Variants in CCNT2 observed in about 807,000 individuals in gnomAD.
The protein encoded by CCNT2 is cyclin-T2.
CCNT2 carries 18 observed loss-of-function variants against 70.0 expected under a neutral mutation model. That is an observed-to-expected ratio of 0.26 (90% CI 0.18 to 0.38). The LOEUF is 0.38. Among genes scored for constraint, CCNT2 ranks in the 10% least tolerant of loss-of-function variants. The pLI is 1.00. For missense variants in CCNT2, 734 were observed against 890.2 expected (o/e 0.82, Z 2.23); for synonymous variants, 334 against 313.3 (o/e 1.07, Z -0.70).
At chr2:134,920,831 A>G (rs548706208) in intron 2 of CCNT2, among the ~76,000 whole-genome samples, 35 of 152,322 alleles carry the variant, frequency 2.3e-4, no homozygotes, top group Admixed American at 8.5e-4. Context: ...CCTAGGAAAG[A>G]TCCTCAGAAT....
intron 5 of CCNT2, chr2:134,944,365 TG>T: frequency 1.0e-6 from 1 of 963,270 alleles, no homozygotes; most frequent in South Asian, 4.8e-5. Context: ...TACTAGTATA[TG>T]TTTAAAAATA....
Position 134,936,692 on chromosome 2 carries a change from T to A in CCNT2, c.241-149T>A, listed in dbSNP as rs190062532. The A allele has an allele frequency of 6.1e-4, 323 of 530,642 alleles. 1 individual carries two copies. Among genetic ancestry groups the A allele is most frequent in the African/African-American group, 5.3e-3 (263 of 50,050 alleles). 32.9% of individuals were successfully genotyped at this position (530,642 alleles called of 1,614,324 possible). Reference sequence around the variant, plus strand: ...TCGCTTGAACCTGGGAGGTGGAGCTTTCAGTGAGCCGAGATCACACCACTG... The same window carrying A: ...TCGCTTGAACCTGGGAGGTGGAGCTATCAGTGAGCCGAGATCACACCACTG... On this transcript the variant is annotated intron_variant, in intron 2 of 8. Transcript: ENST00000264157.
chr2:134,921,176 G>C (rs1679871174), intron 2 of CCNT2, among the ~76,000 whole-genome samples: 1 of 152,122 alleles, frequency 6.6e-6, no homozygotes, highest in Non-Finnish European at 1.5e-5. Flanking sequence ...ACTAATGAAT[G>C]TTAATATAAA....
At chr2:134,948,154 A>G (rs1023697021) in intron 7 of CCNT2, among the ~76,000 whole-genome samples, 4 of 151,368 alleles carry the variant, frequency 2.6e-5, no homozygotes, top group Non-Finnish European at 4.4e-5. Flanking sequence ...TGTCTCTACA[A>G]AAAAAAAGTT....
Position 134,953,911 on chromosome 2 carries a change from A to C in CCNT2, c.1456A>C (p.Ile486Leu). The change falls in exon 9 of 9, where the codon ATA becomes CTA. Residue 486 changes from isoleucine (I) to leucine (L), a missense_variant. Transcript: ENST00000264157. Reference sequence around the variant, plus strand: ...TGTTACTTCTCCCATTAAAATGAAAATACCTATCGCAAATACTGAAAAATA... The same window carrying C: ...TGTTACTTCTCCCATTAAAATGAAACTACCTATCGCAAATACTGAAAAATA... ...SSVTSPIKMK[I>L]PIANTEKYMA... The C allele has an allele frequency of 6.2e-7, 1 of 1,613,940 alleles. No homozygotes were observed. Among genetic ancestry groups the C allele is most frequent in the East Asian group, 2.2e-5 (1 of 44,890 alleles).
chr2:134,944,178 G>C (rs2105066984), intron 5 of CCNT2: 2 of 983,234 alleles, frequency 2.0e-6, no homozygotes, highest in Non-Finnish European at 2.4e-6. Context: ...ATTTTCATCT[G>C]AATATTACAG....
Position 134,931,271 on chromosome 2 carries a change from T to TTTTTTTTTTTTTTTTTG in CCNT2, c.241-5569_241-5553dup, listed in dbSNP as rs1680747439. ...GCCACCATGCCCGGATCTTTTTTTT[T>TTTTTTTTTTTTTTTTTG]TTTTTTTTTTTTTTTTGGTATTTGA... On this transcript the variant is annotated intron_variant, in intron 2 of 8. Transcript: ENST00000264157. Among the ~76,000 whole-genome samples the TTTTTTTTTTTTTTTTTG allele has an allele frequency of 3.7e-5, 5 of 134,212 alleles. 2 individuals are homozygous for TTTTTTTTTTTTTTTTTG. The highest frequency in any genetic ancestry group is 4.5e-4 in the East Asian group (2 of 4,474). 88.0% of individuals were successfully genotyped at this position (134,212 alleles called of 152,430 possible). A position where few individuals can be genotyped will look rare whatever the true frequency, so the allele number is the denominator to read the frequency against.
chr2:134,951,986 A>G (rs1682540738), intron 7 of CCNT2, among the ~76,000 whole-genome samples: 1 of 152,142 alleles, frequency 6.6e-6, no homozygotes, highest in Admixed American at 6.5e-5. Context: ...GTCATTTTAT[A>G]CAGTGTTCCT....
chr2:134,930,463 A>G (rs116272368), intron 2 of CCNT2, among the ~76,000 whole-genome samples: 2,073 of 152,292 alleles, frequency 0.014, 21 homozygotes, highest in South Asian at 0.018. Flanking sequence ...ATGAACATTC[A>G]TGTACAAGTT....
chr2:134,950,260 A>G (rs1682373405), intron 7 of CCNT2, among the ~76,000 whole-genome samples: 1 of 152,168 alleles, frequency 6.6e-6, no homozygotes, highest in African/African-American at 2.4e-5. Context: ...TGAAAAGTAA[A>G]GTTTGTTAAT....
rs114395992 is a variant in CCNT2, at chr2:134,950,386, A to C, written c.704-2255A>C. ...AAAAAGGCAATTCAAAATTAAAGAC[A>C]TGAAGGTGTGGCCGGGTGCAGTCAC... On this transcript the variant is annotated intron_variant, in intron 7 of 8. Coordinates refer to ENST00000264157, the MANE Select transcript of CCNT2 (RefSeq NM_058241.3). Among the ~76,000 whole-genome samples the C allele has an allele frequency of 2.5e-3, 384 of 152,312 alleles. 1 individual carries two copies. Among genetic ancestry groups the C allele is most frequent in the African/African-American group, 8.7e-3 (363 of 41,568 alleles).
intron 8 of CCNT2, 119 bp downstream of exon 8, chr2:134,952,830 A>G (rs1173928316): frequency 1.4e-6 from 1 of 719,578 alleles, no homozygotes; most frequent in Admixed American, 2.7e-5. Flanking sequence ...AATTCAACGT[A>G]TCTCAAGTTA....
At chr2:134,923,193 A>G (rs1335449244) in intron 2 of CCNT2, among the ~76,000 whole-genome samples, 1 of 152,212 alleles carries the variant, frequency 6.6e-6, no homozygotes, top group East Asian at 1.9e-4. Flanking sequence ...AGGCAGGAGA[A>G]TCACTTGAAC....
rs1486885721 is a variant in CCNT2 at position 134,955,153 on chromosome 2, T to G, written c.*505T>G. 6.4e-6 allele frequency: 1 copy of G among 155,960 alleles called. No individual in the cohort carries two copies. Among genetic ancestry groups the G allele is most frequent in the Non-Finnish European group, 1.4e-5 (1 of 69,970 alleles). 9.7% of individuals were successfully genotyped at this position (155,960 alleles called of 1,614,324 possible). ...ACATACATTTTTGTATGTTTAGATA[T>G]TACCGTAAATACTCAGGATTGGAGC... On this transcript the variant is annotated 3_prime_UTR_variant, in exon 9 of 9. Coordinates refer to ENST00000264157, the MANE Select transcript of CCNT2 (RefSeq NM_058241.3).
Position 134,954,103 on chromosome 2 carries a change from C to G in CCNT2, c.1648C>G (p.Pro550Ala), listed in dbSNP as rs887483254. 6.2e-7 allele frequency: 1 copy of G among 1,613,950 alleles called. No individual in the cohort carries two copies. Among genetic ancestry groups the G allele is most frequent in the African/African-American group, 1.3e-5 (1 of 74,864 alleles). The change falls in exon 9 of 9, where the codon CCA becomes GCA. Residue 550 changes from proline to alanine, a missense_variant. Physicochemically the swap from Pro to Ala is conservative, Grantham distance 27. Transcript: ENST00000264157. The part of the protein sequence containing the change: ...EGSGKSKHSS[P>A]HISRDHKEKH... ...CAGTGGGAAGAGCAAACATTCAAGC[C>G]CACATATTAGCAGAGACCATAAGGA...
At position 134,954,324 on chromosome 2, in the gene CCNT2, C is replaced by T. The variant is rs772995813; in HGVS notation, c.1869C>T (p.Val623=). 28 of 1,614,044 alleles carry T rather than the reference C, an allele frequency of 1.7e-5. No individual in the cohort carries two copies. Among genetic ancestry groups the T allele is most frequent in the Non-Finnish European group, 2.1e-5 (25 of 1,180,022 alleles). ...SSSSSRKRLH[V]NDASHNHHSK... ...GCTCTTCAAGGAAGAGGCTGCATGT[C>T]AATGATGCATCTCACAACCACCACT... The change falls in exon 9 of 9, where the codon GTC becomes GTT. Residue 623 remains valine, a synonymous_variant. Transcript: ENST00000264157.
chr2:134,931,599 C>G (rs779993121), intron 2 of CCNT2, among the ~76,000 whole-genome samples: 1 of 152,030 alleles, frequency 6.6e-6, no homozygotes, highest in Non-Finnish European at 1.5e-5. Context: ...ACAAAAGAAG[C>G]TGGGATTTTT....
chr2:134,919,197 A>AC (rs1679649141), intron 1 of CCNT2, among the ~76,000 whole-genome samples, 185 bp downstream of exon 1: 1 of 151,736 alleles, frequency 6.6e-6, no homozygotes, highest in Admixed American at 6.6e-5. Context: ...AGGAGATAGG[A>AC]CCCCAGGAAT....
At chr2:134,931,351 T>G (rs77807793) in intron 2 of CCNT2, among the ~76,000 whole-genome samples, 2,773 of 149,972 alleles carry the variant, frequency 0.018, 103 homozygotes, top group East Asian at 0.14. Flanking sequence ...CCCACTGAAT[T>G]TTCTTGGGAT....
Sources: allele counts gnomAD v4.1 joint callset (sites outside exome capture counted in the v4.1 genomes callset), GRCh38; gene constraint gnomAD v4.1.1; transcripts MANE v1.5; gene names NCBI Gene and HGNC (gene_info 2026-07-23, HGNC 2026-07-21).